Variants in MALRD1 observed in about 807,000 individuals in gnomAD.
The protein encoded by MALRD1 is MAM and LDL receptor class A domain containing 1.
MALRD1 carries 247 observed loss-of-function variants against 242.1 expected under a neutral mutation model. That is an observed-to-expected ratio of 1.02 (90% CI 0.92 to 1.13). MALRD1 has a LOEUF of 1.13. MALRD1 is among the 50% of genes most tolerant of loss of function. The probability of loss-of-function intolerance (pLI) is 0.00; values close to 1 mark genes in which losing one functional copy is unlikely to be tolerated. For missense variants in MALRD1, 2,989 were observed against 2,533.1 expected (o/e 1.18, Z -3.86); for synonymous variants, 995 against 866.6 (o/e 1.15, Z -2.60).
At chr10:19,314,613 C>G (rs1591332) in intron 21 of MALRD1, among the ~76,000 whole-genome samples, 92,977 of 151,446 alleles carry the variant, frequency 0.61, 28,733 homozygotes, top group African/African-American at 0.67. Context: ...ATCTGTAGAA[C>G]AGCAGTGAGC....
At position 19,695,214 on chromosome 10, in the gene MALRD1, G is replaced by A. The variant is rs1393718291; in HGVS notation, c.6314+2660G>A. ...ATGCACATGTACCCTAGAACTTAAA[G>A]TATAATAAAAACTATATAAATATAT... On this transcript the variant is annotated intron_variant, in intron 38 of 39. Coordinates refer to ENST00000454679, the MANE Select transcript of MALRD1 (RefSeq NM_001142308.3). Among the ~76,000 whole-genome samples, 5 of 152,010 alleles carry A rather than the reference G, an allele frequency of 3.3e-5. No individual in the cohort carries two copies. In the South Asian group the frequency reaches 1.0e-3, roughly 31 times the overall value.
chr10:19,440,233 T>A lies in MALRD1; in HGVS notation c.4846-10074T>A, dbSNP rs143217855. ...TAGTTTTTAGTCCATAGTCTACTTA[T>A]GTTTCAATTTGTATTATGGTAAAGC... On this transcript the variant is annotated intron_variant, in intron 28 of 39. Coordinates refer to ENST00000454679, the MANE Select transcript of MALRD1 (RefSeq NM_001142308.3). 5.2e-3 allele frequency among the ~76,000 whole-genome samples: 793 copies of A among 152,338 alleles called. 4 individuals are homozygous for A. Among genetic ancestry groups the A allele is most frequent in the Middle Eastern group, 0.027 (8 of 294 alleles).
chr10:19,694,931 A>G (rs970935913), intron 38 of MALRD1, among the ~76,000 whole-genome samples: 2 of 152,196 alleles, frequency 1.3e-5, no homozygotes, highest in African/African-American at 2.4e-5. Context: ...AGGGACATGG[A>G]TGAAGCTGGG....
At chr10:19,586,854 A>T (rs1183111011) in intron 33 of MALRD1, among the ~76,000 whole-genome samples, 2 of 152,266 alleles carry the variant, frequency 1.3e-5, no homozygotes, top group African/African-American at 2.4e-5. Context: ...TTGATCTCAG[A>T]CTGCTGCGTT....
rs117330526 is a variant in MALRD1, at chr10:19,680,953, G to C, written c.6138-11329G>C. Among the ~76,000 whole-genome samples the C allele has an allele frequency of 2.6e-3, 392 of 152,286 alleles. 6 individuals carry two copies. The East Asian group carries it at 0.058, about 22-fold the overall frequency. On this transcript the variant is annotated intron_variant, in intron 36 of 39. Transcript: ENST00000454679. ...CTGGGTTGGAAATTATTGTCTTTAA[G>C]AATGTTAAATATTGGCCTCCCGATA... is the stretch of plus-strand genomic sequence containing the variant.
At chr10:19,306,700 G>A (rs1842224636) in intron 21 of MALRD1, among the ~76,000 whole-genome samples, 1 of 151,232 alleles carries the variant, frequency 6.6e-6, no homozygotes, top group African/African-American at 2.4e-5. Context: ...CATAAAAGAG[G>A]TTTAATTGAC....
At chr10:19,204,860 A>G (rs1389394219) in intron 16 of MALRD1, 38 bp from the exon 17 acceptor site, 4 of 1,499,960 alleles carry the variant, frequency 2.7e-6, no homozygotes, top group East Asian at 2.5e-5. Flanking sequence ...AGTCTATTCT[A>G]TAAATCACTT....
intron 21 of MALRD1, among the ~76,000 whole-genome samples, chr10:19,318,075 G>A (rs1842775425): frequency 6.6e-6 from 1 of 152,046 alleles, no homozygotes; most frequent in Non-Finnish European, 1.5e-5. Flanking sequence ...TATTTTATGA[G>A]TGACAGTACT....
chr10:19,588,831 T>G (rs1837594518), intron 33 of MALRD1, among the ~76,000 whole-genome samples: 1 of 152,096 alleles, frequency 6.6e-6, no homozygotes, highest in African/African-American at 2.4e-5. Flanking sequence ...TTAGTAGAGA[T>G]AGGGTTTCAC....
rs969230260 is a variant in MALRD1, at chr10:19,297,074, G to C, written c.3419+13893G>C. 1.9e-4 allele frequency among the ~76,000 whole-genome samples: 28 copies of C among 150,094 alleles called. 1 individual carries two copies. The highest frequency in any genetic ancestry group is 6.3e-4 in the African/African-American group (26 of 41,080). On this transcript the variant is annotated intron_variant, in intron 21 of 39. Transcript: ENST00000454679. ...TTAGTGCCTCAACTCTTTTCTCTTG[G>C]TATTATCTTTATTTATATATAAATA...
intron 14 of MALRD1, among the ~76,000 whole-genome samples, chr10:19,187,274 T>G (rs552653010): frequency 6.6e-6 from 1 of 151,962 alleles, no homozygotes; most frequent in Non-Finnish European, 1.5e-5. Context: ...TATGTACTAT[T>G]TTTAGAAGGG....
At chr10:19,164,156 G>A (rs75003831) in intron 12 of MALRD1, among the ~76,000 whole-genome samples, 10,198 of 152,246 alleles carry the variant, frequency 0.067, 445 homozygotes, top group African/African-American at 0.12. Flanking sequence ...GGTAAGCACA[G>A]TAATAAAATC....
intron 28 of MALRD1, among the ~76,000 whole-genome samples, chr10:19,407,261 G>A (rs1023498854): frequency 1.3e-4 from 20 of 152,102 alleles, no homozygotes; most frequent in African/African-American, 4.8e-4. Context: ...CTTTAAGCCA[G>A]GAGTTCAAGA....
intron 28 of MALRD1, among the ~76,000 whole-genome samples, chr10:19,444,529 C>T (rs1371802535): frequency 6.6e-6 from 1 of 152,084 alleles, no homozygotes; most frequent in African/African-American, 2.4e-5. Context: ...TCCGCATTTG[C>T]TTGTCTGTAA....
intron 2 of MALRD1, among the ~76,000 whole-genome samples, chr10:19,072,913 C>T (rs1461687094): frequency 6.6e-6 from 1 of 151,652 alleles, no homozygotes. Context: ...CACTTACCTT[C>T]CCCCCCTTTT....
chr10:19,161,553 A>AC, intron 12 of MALRD1, among the ~76,000 whole-genome samples: 1 of 143,764 alleles, frequency 7.0e-6, no homozygotes, highest in East Asian at 2.0e-4. Flanking sequence ...AAAAAAGCAA[A>AC]AAAAAAAAAA....
rs147822951 is a variant in MALRD1 at position 19,535,975 on chromosome 10, A to C, written c.5478+4624A>C. Among the ~76,000 whole-genome samples the C allele has an allele frequency of 5.9e-5, 9 of 152,328 alleles. No individual in the cohort carries two copies. In the East Asian group the frequency reaches 1.5e-3, roughly 26 times the overall value. On this transcript the variant is annotated intron_variant, in intron 32 of 39. Coordinates refer to ENST00000454679, the MANE Select transcript of MALRD1 (RefSeq NM_001142308.3). Reference sequence around the variant, plus strand: ...TTTCAGAGGCAAGGGTTTATGAGGCAATAAAAATAGGAATGCATTCTCAAA... The same window carrying C: ...TTTCAGAGGCAAGGGTTTATGAGGCCATAAAAATAGGAATGCATTCTCAAA...
intron 13 of MALRD1, among the ~76,000 whole-genome samples, chr10:19,172,272 A>G (rs986991488): frequency 6.7e-6 from 1 of 148,852 alleles, no homozygotes; most frequent in African/African-American, 2.5e-5. Flanking sequence ...AGCCAAGGTG[A>G]TTTTGAAACC....
intron 10 of MALRD1, among the ~76,000 whole-genome samples, chr10:19,141,606 G>GAA (rs879655176): frequency 3.7e-4 from 55 of 150,078 alleles, no homozygotes; most frequent in Non-Finnish European, 5.2e-4. Flanking sequence ...ACTCATATAG[G>GAA]AAAAATATAT....
Sources: gnomAD v4.1 joint callset for allele counts (sites outside exome capture counted in the v4.1 genomes callset) on GRCh38, gnomAD v4.1.1 for gene constraint, MANE v1.5 for transcripts, NCBI Gene and HGNC (gene_info 2026-07-23, HGNC 2026-07-21) for gene names.